Variants in CSMD3 observed in about 807,000 individuals in gnomAD.
The protein encoded by CSMD3 is CUB and sushi domain-containing protein 3.
CSMD3 carries 177 observed loss-of-function variants against 435.2 expected under a neutral mutation model. The ratio of observed to expected loss-of-function variants is 0.41; its 90% confidence interval spans 0.36 to 0.46. The LOEUF is 0.46. Ranked by LOEUF, CSMD3 falls within the 20% of genes least tolerant of loss-of-function variation. The pLI is 0.34. For missense variants in CSMD3, 4,265 were observed against 4,504.6 expected (o/e 0.95, Z 1.52); for synonymous variants, 1,656 against 1,520.5 (o/e 1.09, Z -2.07).
intron 9 of CSMD3, among the ~76,000 whole-genome samples, chr8:112,929,473 T>C (rs2083033146): frequency 6.6e-6 from 1 of 152,104 alleles, no homozygotes; most frequent in African/African-American, 2.4e-5. Flanking sequence ...TTTTGATAAT[T>C]CTTTTTATGG....
chr8:112,400,956 C>T (rs947555637), intron 35 of CSMD3, among the ~76,000 whole-genome samples: 1 of 152,190 alleles, frequency 6.6e-6, no homozygotes, highest in African/African-American at 2.4e-5. Context: ...CCTGTAATCC[C>T]AGTACTTTGG....
At chr8:113,186,456 CCACCGTCTATAAA>C (rs768523696) in intron 3 of CSMD3, among the ~76,000 whole-genome samples, 54 of 151,992 alleles carry the variant, frequency 3.6e-4, no homozygotes, top group Non-Finnish European at 7.4e-4. Context: ...TACCTTTGAA[CCACCGTCTATAAA>C]CCAAGCAACC....
At chr8:113,288,341 T>C (rs2093661020) in intron 2 of CSMD3, among the ~76,000 whole-genome samples, 1 of 151,894 alleles carries the variant, frequency 6.6e-6, no homozygotes, top group Non-Finnish European at 1.5e-5. Context: ...TATTTAAAGA[T>C]ACCATGTTTC....
intron 32 of CSMD3, among the ~76,000 whole-genome samples, chr8:112,456,603 A>T (rs1816863793): frequency 6.6e-6 from 1 of 152,234 alleles, no homozygotes; most frequent in East Asian, 1.9e-4. Context: ...AAAACAAAAT[A>T]TTGAAAAGCT....
intron 19 of CSMD3, among the ~76,000 whole-genome samples, chr8:112,648,458 T>A (rs2131625101): frequency 6.6e-6 from 1 of 152,302 alleles, no homozygotes; most frequent in African/African-American, 2.4e-5. Context: ...ATTGTAAGAA[T>A]GCAGGACAGA....
At chr8:112,259,278 T>C (rs1413144453) in intron 61 of CSMD3, among the ~76,000 whole-genome samples, 4 of 152,102 alleles carry the variant, frequency 2.6e-5, no homozygotes, top group Admixed American at 2.6e-4. Flanking sequence ...GGATGAGTTA[T>C]TGTCCTTTGC....
At chr8:112,685,311 A>T in intron 15 of CSMD3, 95 bp downstream of exon 15, 1 of 989,944 alleles carries the variant, frequency 1.0e-6, no homozygotes, top group Non-Finnish European at 1.5e-6. Context: ...AAATTTTCTT[A>T]ACTAGGAAAC....
Position 112,859,187 on chromosome 8 carries a change from A to G in CSMD3, c.1713T>C (p.Asn571=), listed in dbSNP as rs1307483040. ...SPNFPFQYDS[N]AQCVWVITAV... is the part of the protein sequence containing the mutation. ...CTGTGATGACCCAGACACATTGTGC[A>G]TTGCTGTCATACTGGAACGGAAAGT... The change falls in exon 11 of 71, where the codon AAT becomes AAC. Residue 571 remains asparagine (N), a synonymous_variant. Transcript: ENST00000297405. 1 of 1,611,040 alleles carries G rather than the reference A, an allele frequency of 6.2e-7. No individual in the cohort carries two copies. The highest frequency in any genetic ancestry group is 8.5e-7 in the Non-Finnish European group (1 of 1,177,532).
intron 28 of CSMD3, among the ~76,000 whole-genome samples, chr8:112,509,597 A>C (rs1305064640): frequency 6.6e-6 from 1 of 151,980 alleles, no homozygotes; most frequent in African/African-American, 2.4e-5. Flanking sequence ...CTTTATCTTA[A>C]ATTCACCATC....
rs763237126 is a variant in CSMD3 at position 112,346,109 on chromosome 8, G to T, written c.6430C>A (p.Pro2144Thr). The T allele has an allele frequency of 1.3e-6, 2 of 1,580,062 alleles. No individual in the cohort carries two copies. Among genetic ancestry groups the T allele is most frequent in the South Asian group, 1.1e-5 (1 of 90,420 alleles). Residue 2144 changes from proline (P) to threonine (T), a missense_variant, in exon 41 of 71, where the codon CCC becomes ACC. By Grantham distance (38) the Pro-to-Thr change is conservative (BLOSUM62 -1). Coordinates refer to ENST00000297405, the MANE Select transcript of CSMD3 (RefSeq NM_198123.2). The part of the protein sequence containing the change: ...SLDCTWTINL[P>T]IGFGVHLQFV... ...TTAATACACATACCAAAACCTATGG[G>T]TAGATTTATTGTCCATGTGCAATCT...
intron 5 of CSMD3, among the ~76,000 whole-genome samples, chr8:113,070,863 T>C (rs967654856): frequency 1.3e-5 from 2 of 152,224 alleles, no homozygotes; most frequent in Non-Finnish European, 2.9e-5. Context: ...GATCATATAG[T>C]AATTCTACTT....
intron 39 of CSMD3, 79 bp from the exon 40 acceptor site, chr8:112,351,323 T>C (rs1826119547): frequency 2.1e-6 from 2 of 946,058 alleles, no homozygotes; most frequent in Non-Finnish European, 3.5e-6. Context: ...ATTATTATTA[T>C]AAAAACAAGC....
At chr8:112,533,451 A>G (rs553456316) in intron 27 of CSMD3, among the ~76,000 whole-genome samples, 1 of 152,206 alleles carries the variant, frequency 6.6e-6, no homozygotes, top group African/African-American at 2.4e-5. Flanking sequence ...ACGGAAACCA[A>G]AAAAAGAGCA....
At chr8:113,110,989 T>C (rs925841776) in intron 4 of CSMD3, among the ~76,000 whole-genome samples, 3 of 152,142 alleles carry the variant, frequency 2.0e-5, no homozygotes, top group African/African-American at 7.2e-5. Flanking sequence ...GCCTATTTTA[T>C]AAGGGCACTA....
chr8:112,811,335 C>T (rs1376928833), intron 12 of CSMD3, among the ~76,000 whole-genome samples: 3 of 151,984 alleles, frequency 2.0e-5, no homozygotes, highest in African/African-American at 7.2e-5. Flanking sequence ...TTTAGAATTT[C>T]CTATAGAAAA....
Position 112,485,940 on chromosome 8 carries a change from CT to C in CSMD3, c.5278+6548del, listed in dbSNP as rs549602181. Among the ~76,000 whole-genome samples, 552 of 138,944 alleles carry C rather than the reference CT, an allele frequency of 4.0e-3. 2 individuals carry two copies. Among genetic ancestry groups the C allele is most frequent in the African/African-American group, 4.1e-3 (155 of 37,860 alleles). 91.2% of individuals were successfully genotyped at this position (138,944 alleles called of 152,430 possible). A position where few individuals can be genotyped will look rare whatever the true frequency, so the allele number is the denominator to read the frequency against. ...TCATCAGTGATTGAGTGACTTAAAT[CT>C]TTTTTTTTTTTTTTGCATAATCCAG... On this transcript the variant is annotated intron_variant, in intron 31 of 70. Transcript: ENST00000297405.
At position 112,289,523 on chromosome 8, in the gene CSMD3, T is replaced by G. The variant is rs2130657808; in HGVS notation, c.8990A>C (p.His2997Pro). ...GACTGCATTAGGAGGAACGCCAGGG[T>G]GTCCACAGTCAATCACTACAATACA... ...LPECIMIDCGHPGVPPNAVLS... is the reference protein window; with the variant it reads ...LPECIMIDCGPPGVPPNAVLS... The change falls in exon 57 of 71, where the codon CAC becomes CCC. Residue 2997 changes from histidine to proline, a missense_variant. Coordinates refer to ENST00000297405, the MANE Select transcript of CSMD3 (RefSeq NM_198123.2). The G allele has an allele frequency of 3.1e-6, 5 of 1,611,530 alleles. No homozygotes were observed. Among genetic ancestry groups the G allele is most frequent in the Non-Finnish European group, 4.2e-6 (5 of 1,178,388 alleles).
intron 22 of CSMD3, among the ~76,000 whole-genome samples, chr8:112,587,479 T>G (rs1356261784): frequency 1.3e-5 from 2 of 151,804 alleles, no homozygotes; most frequent in Admixed American, 6.6e-5. Context: ...TGTAGTAATT[T>G]TCCCCCTGGA....
intron 16 of CSMD3, among the ~76,000 whole-genome samples, chr8:112,680,775 GAA>G (rs2075871776): frequency 6.6e-6 from 1 of 152,116 alleles, no homozygotes; most frequent in Non-Finnish European, 1.5e-5. Context: ...GAGACATTAT[GAA>G]AATGTTCAAT....
Sources: gnomAD v4.1 joint callset for allele counts (sites outside exome capture counted in the v4.1 genomes callset) on GRCh38, gnomAD v4.1.1 for gene constraint, MANE v1.5 for transcripts, NCBI Gene and HGNC (gene_info 2026-07-23, HGNC 2026-07-21) for gene names.